PARD3B: variants seen among roughly 807,000 people sequenced by gnomAD.
PARD3B encodes the protein partitioning defective 3 homolog B.
A neutral mutation model predicts 130.2 loss-of-function variants in PARD3B; 103 were observed. The observed-to-expected ratio is 0.79, with a 90% confidence interval of 0.67 to 0.93. PARD3B has a LOEUF of 0.93. PARD3B is among the 40% of genes least tolerant of loss of function. The probability of loss-of-function intolerance (pLI) is 0.00; values close to 1 mark genes in which losing one functional copy is unlikely to be tolerated. For missense variants in PARD3B, 1,609 were observed against 1,499.2 expected, an observed-to-expected ratio of 1.07 and a Z score of -1.21; for synonymous variants, 583 against 553.2, an observed-to-expected ratio of 1.05 and a Z score of -0.76.
chr2:204,868,437 T>A (rs1264877339), intron 2 of PARD3B, among the ~76,000 whole-genome samples: 4 of 152,176 alleles, frequency 2.6e-5, no homozygotes, highest in Non-Finnish European at 5.9e-5. Flanking sequence ...AGTAGAAGGA[T>A]GTTGTACATA....
At chr2:205,203,270 A>G (rs550424654) in intron 15 of PARD3B, among the ~76,000 whole-genome samples, 5 of 152,230 alleles carry the variant, frequency 3.3e-5, no homozygotes, top group African/African-American at 1.2e-4. Context: ...AAACTGCCCT[A>G]TTCTTTAAAA....
rs1033504603 is a variant in PARD3B at position 205,366,035 on chromosome 2, CCTAT to C, written c.2631-34970_2631-34967del. Reference sequence around the variant, plus strand: ...CCAAAGCAAAAGATTATCCATTTATCCTATCTATCTACCCACCCACCCATCTATC... The same window carrying C: ...CCAAAGCAAAAGATTATCCATTTATCCTATCTACCCACCCACCCATCTATC... On this transcript the variant is annotated intron_variant, in intron 18 of 22. Coordinates refer to ENST00000406610, the MANE Select transcript of PARD3B (RefSeq NM_001302769.2). The surrounding 1 kb of genome is among the most constrained non-coding windows in gnomAD (Gnocchi z 5.0). Among the ~76,000 whole-genome samples the C allele has an allele frequency of 8.5e-5, 13 of 152,188 alleles. No individual in the cohort carries two copies. The East Asian group carries it at 1.5e-3, about 18-fold the overall frequency.
intron 4 of PARD3B, 26 bp from the exon 5 acceptor site, chr2:205,104,400 A>G (rs200528209): frequency 1.3e-6 from 2 of 1,499,600 alleles, no homozygotes; most frequent in Non-Finnish European, 1.9e-6. Flanking sequence ...ACAGCATCAC[A>G]TGCTTATGAC....
intron 4 of PARD3B, among the ~76,000 whole-genome samples, chr2:205,072,870 T>C (rs532835176): frequency 6.6e-6 from 1 of 152,218 alleles, no homozygotes; most frequent in South Asian, 2.1e-4. Flanking sequence ...GAATTAAAAT[T>C]TTATGTATGA....
chr2:205,378,635 C>CTTTTTT (rs559839181), intron 18 of PARD3B, among the ~76,000 whole-genome samples: 1 of 137,128 alleles, frequency 7.3e-6, no homozygotes. Context: ...ATTTTTTTTT[C>CTTTTTT]TTTTTTTTTT....
At chr2:205,063,472 TG>T (rs1654962179) in intron 4 of PARD3B, among the ~76,000 whole-genome samples, 1 of 152,160 alleles carries the variant, frequency 6.6e-6, no homozygotes, top group Non-Finnish European at 1.5e-5. Flanking sequence ...CTTAGGAGTT[TG>T]TTATGATTCA....
At chr2:205,048,664 T>G (rs1228489286) in intron 4 of PARD3B, 3 of 152,202 alleles carry the variant, frequency 2.0e-5, no homozygotes, top group Non-Finnish European at 4.4e-5. Flanking sequence ...CAGGTTTTTC[T>G]GATTTGGTAT....
intron 2 of PARD3B, among the ~76,000 whole-genome samples, chr2:204,766,706 T>TA (rs1009546142): frequency 4.7e-5 from 7 of 149,840 alleles, no homozygotes; most frequent in South Asian, 2.1e-4. Flanking sequence ...CCAGAGGAAC[T>TA]AAAAAAAAAT....
chr2:205,461,252 A>G lies in PARD3B; in HGVS notation c.3044+20580A>G, dbSNP rs2048443479. On this transcript the variant is annotated intron_variant, in intron 20 of 22. Transcript: ENST00000406610. The surrounding 1 kb of genome is among the most constrained non-coding windows in gnomAD (Gnocchi z 4.3). ...GAATTTGGGTGCTGAAAGAGGCATG[A>G]AAGGCACTCTGGGCAGAGGAGCAGC... Among the ~76,000 whole-genome samples, 1 of 152,182 alleles carries G rather than the reference A, an allele frequency of 6.6e-6. No homozygotes were observed. Among genetic ancestry groups the G allele is most frequent in the South Asian group, 2.1e-4 (1 of 4,824 alleles).
chr2:204,701,085 A>T lies in PARD3B; in HGVS notation c.222+14803A>T, dbSNP rs187530163. ...TTTTTCATACAAAATTGTTTTAGTA[A>T]CATACTTTTCTTTGACTTAACACAT... On this transcript the variant is annotated intron_variant, in intron 2 of 22. Coordinates refer to ENST00000406610, the MANE Select transcript of PARD3B (RefSeq NM_001302769.2). 7.7e-3 allele frequency among the ~76,000 whole-genome samples: 1,167 copies of T among 152,222 alleles called. 14 individuals are homozygous for T. Among genetic ancestry groups the T allele is most frequent in the African/African-American group, 0.025 (1,047 of 41,570 alleles).
rs1429226166 is a variant in PARD3B, at chr2:205,500,483, A to T, written c.3180+452A>T. Among the ~76,000 whole-genome samples the T allele has an allele frequency of 9.2e-5, 14 of 152,222 alleles. No individual in the cohort carries two copies. In the East Asian group the frequency reaches 2.7e-3, roughly 29 times the overall value. On this transcript the variant is annotated intron_variant, in intron 21 of 22. Coordinates refer to ENST00000406610, the MANE Select transcript of PARD3B (RefSeq NM_001302769.2). The stretch of plus-strand genomic sequence containing the variant: ...ATTCTGCTGATCTTACCGGCATACT[A>T]GGATGGATTTGTTTTGAGATAAGGG...
At chr2:204,638,367 C>A (rs183029546) in intron 1 of PARD3B, among the ~76,000 whole-genome samples, 1 of 152,264 alleles carries the variant, frequency 6.6e-6, no homozygotes, top group African/African-American at 2.4e-5. Flanking sequence ...GTAACAGTTA[C>A]TAGGTATGTC....
At chr2:205,232,588 G>T (rs529915874) in intron 15 of PARD3B, among the ~76,000 whole-genome samples, 232 of 152,166 alleles carry the variant, frequency 1.5e-3, no homozygotes, top group Non-Finnish European at 2.4e-3. Flanking sequence ...GTTAAAACCA[G>T]AACTGACACA....
intron 3 of PARD3B, among the ~76,000 whole-genome samples, chr2:205,010,375 A>G (rs966034174): frequency 6.6e-6 from 1 of 152,138 alleles, no homozygotes; most frequent in Non-Finnish European, 1.5e-5. Context: ...TTTGCCCTCA[A>G]GATCTATGCA....
At chr2:205,103,161 CAT>C (rs201568771) in intron 4 of PARD3B, among the ~76,000 whole-genome samples, 31,024 of 95,816 alleles carry the variant, frequency 0.32, 6,842 homozygotes, top group East Asian at 0.65. Flanking sequence ...GTAAAATAAA[CAT>C]ATTTTATATT....
intron 20 of PARD3B, among the ~76,000 whole-genome samples, chr2:205,450,560 G>A (rs1393475514): frequency 4.6e-5 from 6 of 130,448 alleles, no homozygotes; most frequent in East Asian, 2.5e-4. Context: ...TGCAACCTCC[G>A]CCTCCCAGGT....
chr2:204,546,275 G>T (rs530069746), intron 1 of PARD3B, 156 bp downstream of exon 1: 40 of 1,082,220 alleles, frequency 3.7e-5, no homozygotes, highest in Admixed American at 3.2e-4. Flanking sequence ...AGTGATGTGG[G>T]TGTCTTTGGG....
chr2:204,640,479 C>A (rs1429996808), intron 1 of PARD3B, among the ~76,000 whole-genome samples: 1 of 152,132 alleles, frequency 6.6e-6, no homozygotes, highest in Non-Finnish European at 1.5e-5. Flanking sequence ...CATGTCTTTA[C>A]CCAGGGTCAC....
chr2:205,332,022 G>A (rs1405376028), intron 18 of PARD3B, among the ~76,000 whole-genome samples: 6 of 151,900 alleles, frequency 3.9e-5, no homozygotes, highest in South Asian at 2.1e-4. Context: ...GGAGAATCGC[G>A]TGAACCCGGG....
Sources: gnomAD v4.1 joint callset for allele counts (sites outside exome capture counted in the v4.1 genomes callset) on GRCh38, gnomAD v4.1.1 for gene constraint, Gnocchi (gnomAD v3.1) non-coding constraint, MANE v1.5 for transcripts, NCBI Gene and HGNC (gene_info 2026-07-23, HGNC 2026-07-21) for gene names.